Variants in NGEF observed in about 807,000 individuals in gnomAD.
NGEF encodes the protein ephexin-1.
A neutral mutation model predicts 80.9 loss-of-function variants in NGEF; 31 were observed. The observed-to-expected ratio is 0.38, with a 90% CI of 0.29 to 0.52. The LOEUF (loss-of-function observed/expected upper bound fraction) is 0.52, where lower values mean the gene tolerates loss of function less well. Ranked by LOEUF, NGEF falls within the 20% of genes least tolerant of loss-of-function variation. NGEF has a pLI of 0.84. For missense variants in NGEF, 709 were observed against 926.2 expected, an observed-to-expected ratio of 0.77 and a Z score of 3.04; for synonymous variants, 371 against 370.2, an observed-to-expected ratio of 1.00 and a Z score of -0.03.
chr2:232,883,963 C>T lies in NGEF; in HGVS notation c.1601+18G>A. 1 of 1,596,608 alleles carries T rather than the reference C, an allele frequency of 6.3e-7. No individual in the cohort carries two copies. Among genetic ancestry groups the T allele is most frequent in the Non-Finnish European group, 8.5e-7 (1 of 1,171,404 alleles). On this transcript the variant is annotated intron_variant, in intron 11 of 14. Coordinates refer to ENST00000264051, the MANE Select transcript of NGEF (RefSeq NM_019850.3). ...CCTCTACCCACCGGAGCGCCTGATG[C>T]CCTGGGCCCCGACTCACCCTGGAAT...
chr2:232,900,071 C>T (rs1170869261), intron 5 of NGEF, among the ~76,000 whole-genome samples: 1 of 148,758 alleles, frequency 6.7e-6, no homozygotes, highest in Non-Finnish European at 1.5e-5. Flanking sequence ...CACTCATATA[C>T]ACGTTCACTC....
At chr2:232,944,729 A>ATATATATATATATATATATC (rs1693516055) in intron 3 of NGEF, among the ~76,000 whole-genome samples, 2 of 22,848 alleles carry the variant, frequency 8.8e-5, no homozygotes, top group African/African-American at 5.0e-4. Context: ...TTTTCCGAAT[A>ATATATATATATATATATATC]TATATATATA....
chr2:232,925,969 C>A (rs1448716029), intron 4 of NGEF, among the ~76,000 whole-genome samples: 1 of 152,110 alleles, frequency 6.6e-6, no homozygotes, highest in Non-Finnish European at 1.5e-5. Context: ...GTGCGCTCCA[C>A]CCCCTCAGCT....
chr2:232,945,990 T>A (rs1280733398), intron 3 of NGEF, among the ~76,000 whole-genome samples: 1 of 151,452 alleles, frequency 6.6e-6, no homozygotes, highest in Non-Finnish European at 1.5e-5. Context: ...AACTAGTGGA[T>A]AAACTGTGAT....
At chr2:232,994,776 C>T (rs921305934) in intron 1 of NGEF, among the ~76,000 whole-genome samples, 1 of 152,034 alleles carries the variant, frequency 6.6e-6, no homozygotes, top group African/African-American at 2.4e-5. Context: ...ACACTGCTGG[C>T]ACTCAGTATG....
rs1274111240 is a variant in NGEF, at chr2:232,900,907, G to A, written c.829-5991C>T. 2.6e-5 allele frequency among the ~76,000 whole-genome samples: 4 copies of A among 152,354 alleles called. No homozygotes were observed. In the South Asian group the frequency reaches 6.2e-4, roughly 24 times the overall value. ...GTGAGCAGGCCCCCTCTCAGGCAGC[G>A]CGGGCCACGGGGCTGCTCTGGGGTG... On this transcript the variant is annotated intron_variant, in intron 5 of 14. Coordinates refer to ENST00000264051, the MANE Select transcript of NGEF (RefSeq NM_019850.3).
At chr2:232,942,868 G>GTTTCC (rs1693467414) in intron 3 of NGEF, among the ~76,000 whole-genome samples, 2 of 149,982 alleles carry the variant, frequency 1.3e-5, no homozygotes, top group African/African-American at 2.4e-5. Context: ...TTATTTTCCG[G>GTTTCC]GGGGGAGTCA....
intron 1 of NGEF, among the ~76,000 whole-genome samples, chr2:233,009,386 G>A (rs1006265654): frequency 6.6e-6 from 1 of 152,088 alleles, no homozygotes; most frequent in South Asian, 2.1e-4. Flanking sequence ...AGAGATGGGG[G>A]TCTTGCTATT....
chr2:232,933,907 G>A (rs571191036), intron 3 of NGEF, among the ~76,000 whole-genome samples: 1 of 152,260 alleles, frequency 6.6e-6, no homozygotes, highest in South Asian at 2.1e-4. Flanking sequence ...CTTAGGATGG[G>A]CACCCTGCTG....
intron 1 of NGEF, among the ~76,000 whole-genome samples, chr2:233,010,185 G>A (rs1251415542): frequency 3.9e-5 from 6 of 152,050 alleles, no homozygotes; most frequent in African/African-American, 9.7e-5. Flanking sequence ...GAGCCAGCAC[G>A]CCCAGCTGGC....
At chr2:232,996,108 C>T (rs1437915530) in intron 1 of NGEF, among the ~76,000 whole-genome samples, 1 of 151,996 alleles carries the variant, frequency 6.6e-6, no homozygotes, top group Non-Finnish European at 1.5e-5. Flanking sequence ...CTACTCCATT[C>T]AGGTATAAAA....
At chr2:232,920,974 C>T (rs10200350) in intron 4 of NGEF, among the ~76,000 whole-genome samples, 3 of 152,066 alleles carry the variant, frequency 2.0e-5, no homozygotes, top group Non-Finnish European at 2.9e-5. Flanking sequence ...TAGCCCTCAA[C>T]GTTTCAATAT....
At chr2:232,988,442 T>G (rs1252081488) in intron 1 of NGEF, among the ~76,000 whole-genome samples, 1 of 152,218 alleles carries the variant, frequency 6.6e-6, no homozygotes, top group Non-Finnish European at 1.5e-5. Flanking sequence ...TTTTTTCACT[T>G]GCTATATTGG....
chr2:232,901,565 G>T (rs1031563227), intron 5 of NGEF: 8 of 384,958 alleles, frequency 2.1e-5, no homozygotes, highest in Non-Finnish European at 2.8e-5. Flanking sequence ...CCAGCAGACC[G>T]TGGACTGAAG....
intron 3 of NGEF, among the ~76,000 whole-genome samples, chr2:232,956,100 C>A (rs963299047): frequency 2.0e-5 from 3 of 152,148 alleles, no homozygotes; most frequent in Non-Finnish European, 4.4e-5. Flanking sequence ...GACGCCGCTC[C>A]TTTCCTTGTA....
intron 5 of NGEF, among the ~76,000 whole-genome samples, chr2:232,896,638 G>T (rs1184733692): frequency 1.6e-5 from 1 of 63,070 alleles, no homozygotes; most frequent in African/African-American, 7.7e-5. Context: ...AGGAGTGGGG[G>T]TGAGGGTAGG....
At chr2:232,966,016 G>C (rs1026872287) in intron 3 of NGEF, among the ~76,000 whole-genome samples, 1 of 152,212 alleles carries the variant, frequency 6.6e-6, no homozygotes, top group South Asian at 2.1e-4. Context: ...CACATGCAAA[G>C]CTTTGCTGGC....
chr2:232,928,226 G>T (rs1156961860), intron 3 of NGEF: 28 of 959,784 alleles, frequency 2.9e-5, no homozygotes, highest in African/African-American at 7.1e-5. Context: ...GGCGCGCGCG[G>T]CGGGGGCGAG....
intron 5 of NGEF, among the ~76,000 whole-genome samples, chr2:232,899,662 T>TTA (rs144523879): frequency 1.0e-4 from 12 of 119,224 alleles, no homozygotes; most frequent in South Asian, 5.6e-4. Flanking sequence ...TCACATTCAC[T>TTA]CACACATGCT....
Sources: allele counts gnomAD v4.1 joint callset (sites outside exome capture counted in the v4.1 genomes callset), GRCh38; gene constraint gnomAD v4.1.1; transcripts MANE v1.5; gene names NCBI Gene and HGNC (gene_info 2026-07-23, HGNC 2026-07-21).